TRIM69: variants seen among roughly 807,000 people sequenced by gnomAD.
TRIM69 encodes E3 ubiquitin-protein ligase TRIM69.
TRIM69 carries 29 observed loss-of-function variants against 37.7 expected under a neutral mutation model. That is an observed-to-expected ratio of 0.77 (90% CI 0.57 to 1.05). The LOEUF is 1.05. Ranked by LOEUF, TRIM69 falls within the 50% of genes least tolerant of loss-of-function variation. The pLI is 0.00. For synonymous variants in TRIM69, 209 were observed against 212.4 expected (o/e 0.98, Z 0.14); for missense variants, 596 against 579.9 (o/e 1.03, Z -0.28).
chr15:44,763,868 AAAGT>A (rs2087831793), intron 6 of TRIM69, among the ~76,000 whole-genome samples: 1 of 152,288 alleles, frequency 6.6e-6, no homozygotes, highest in East Asian at 1.9e-4. Context: ...CCCATTTTCT[AAAGT>A]AATATACCCT....
At chr15:44,762,281 T>A (rs1596036009) in intron 6 of TRIM69, among the ~76,000 whole-genome samples, 1 of 152,198 alleles carries the variant, frequency 6.6e-6, no homozygotes, top group East Asian at 1.9e-4. Flanking sequence ...TGGCTAATTT[T>A]AGGACTTGCT....
intron 3 of TRIM69, 74 bp from the exon 4 acceptor site, chr15:44,758,547 G>A (rs1596031826): frequency 1.3e-6 from 2 of 1,579,884 alleles, no homozygotes; most frequent in Admixed American, 1.7e-5. Flanking sequence ...GTGTGTGAGT[G>A]TTGGTGGTGT....
At chr15:44,761,362 T>C (rs2087771711) in intron 6 of TRIM69, among the ~76,000 whole-genome samples, 1 of 152,236 alleles carries the variant, frequency 6.6e-6, no homozygotes, top group Non-Finnish European at 1.5e-5. Flanking sequence ...AAATCCCAGT[T>C]TCTCTATATC....
chr15:44,743,319 C>T (rs1489409081), intron 1 of TRIM69, among the ~76,000 whole-genome samples: 1 of 152,106 alleles, frequency 6.6e-6, no homozygotes, highest in Non-Finnish European at 1.5e-5. Context: ...TAATTCAAGA[C>T]TGATTAAAGA....
In TRIM69 at chr15:44,767,655, G is replaced by A. The variant is rs149919213; in HGVS notation, c.1386G>A (p.Met462Ile). 1.5e-4 allele frequency: 235 copies of A among 1,614,140 alleles called. 1 individual carries two copies. The East Asian group carries it at 4.9e-3, about 34-fold the overall frequency. The stretch of plus-strand genomic sequence containing the variant: ...TGTCCTTCTACAATGCTAAAACCAT[G>A]ACTCACATTTACACCTTCAGTAACA... ...GQLSFYNAKT[M>I]THIYTFSNTF... Residue 462 changes from methionine (M) to isoleucine (I), a missense_variant, in exon 7 of 7, where the codon ATG becomes ATA. Physicochemically the swap from Met to Ile is conservative, Grantham distance 10. Coordinates refer to ENST00000329464, the MANE Select transcript of TRIM69 (RefSeq NM_182985.5).
chr15:44,767,256 T>C lies in TRIM69; in HGVS notation c.987T>C (p.Pro329=). 6.2e-7 allele frequency: 1 copy of C among 1,613,840 alleles called. No homozygotes were observed. The highest frequency in any genetic ancestry group is 2.2e-5 in the East Asian group (1 of 44,868). The change falls in exon 7 of 7, where the codon CCT becomes CCC. Residue 329 remains proline (P), a synonymous_variant. Transcript: ENST00000329464. ...GCCTGTCTCCACTAACTCTGGACCCTAAAACAGCTCACCCAAATCTGGTGC... is the reference window on the plus strand; with the variant it reads ...GCCTGTCTCCACTAACTCTGGACCCCAAAACAGCTCACCCAAATCTGGTGC... ...CPGLSPLTLD[P]KTAHPNLVLS...
At chr15:44,748,719 G>A (rs370804179) in intron 1 of TRIM69, among the ~76,000 whole-genome samples, 1 of 150,348 alleles carries the variant, frequency 6.7e-6, no homozygotes. Context: ...CCAGCTACTC[G>A]GGAGTCTGAG....
Position 44,736,667 on chromosome 15 carries a change from C to G in TRIM69, c.-38C>G. ...ATCCTGGGCCTGCTGAGCTCTGATT[C>G]AAGTGCCTGCCTCTGCCCCTTGGTG... On this transcript the variant is annotated 5_prime_UTR_variant, in exon 1 of 7. Transcript: ENST00000329464. The G allele has an allele frequency of 6.2e-7, 1 of 1,610,712 alleles. No individual in the cohort carries two copies. The highest frequency in any genetic ancestry group is 1.1e-5 in the South Asian group (1 of 90,744).
intron 1 of TRIM69, among the ~76,000 whole-genome samples, chr15:44,742,703 TC>T (rs1209150977): frequency 2.2e-5 from 2 of 90,410 alleles, no homozygotes; most frequent in African/African-American, 7.3e-5. Flanking sequence ...ATGAGTGAAC[TC>T]CCATTCACAA....
intron 3 of TRIM69, chr15:44,756,690 C>A: frequency 2.6e-6 from 1 of 391,720 alleles, no homozygotes; most frequent in Non-Finnish European, 4.6e-6. Flanking sequence ...ATATGCTGAT[C>A]TTTTCGATAG....
chr15:44,754,561 T>A (rs1402152566), intron 1 of TRIM69: 1 of 220,976 alleles, frequency 4.5e-6, no homozygotes, highest in South Asian at 1.4e-4. Context: ...AAAACAAAAA[T>A]AAAATAAAGG....
intron 3 of TRIM69, 63 bp downstream of exon 3, chr15:44,756,526 C>A: frequency 2.6e-6 from 3 of 1,147,636 alleles, no homozygotes; most frequent in Non-Finnish European, 2.5e-6. Flanking sequence ...GTAACTTCAG[C>A]TATGGGTACA....
rs768847299 is a variant in TRIM69 at position 44,758,732 on chromosome 15, G to A, written c.691G>A (p.Ala231Thr). The A allele has an allele frequency of 3.7e-6, 6 of 1,614,188 alleles. No homozygotes were observed. Among genetic ancestry groups the A allele is most frequent in the Non-Finnish European group, 4.2e-6 (5 of 1,180,022 alleles). The change falls in exon 4 of 7, where the codon GCC becomes ACC. Residue 231 changes from alanine (A) to threonine (T), a missense_variant. By Grantham distance (58) the Ala-to-Thr change is moderately conservative (BLOSUM62 0). Coordinates refer to ENST00000329464, the MANE Select transcript of TRIM69 (RefSeq NM_182985.5). ...ILTELREEGK[A>T]LNEEMELNLS... is the part of the protein sequence containing the mutation. The stretch of plus-strand genomic sequence containing the variant: ...AACTGAGCTCCGGGAAGAGGGGAAA[G>A]CCTTGAATGAGGAGATGGAGTTGAA...
rs1016343031 is a variant in TRIM69 at position 44,758,509 on chromosome 15, T to C, written c.580-112T>C. ...ATTTGATATTCAGTAGCCATTTGTA[T>C]GCATTTTTCTGTGATGGTATTTACC... On this transcript the variant is annotated intron_variant, in intron 3 of 6. Transcript: ENST00000329464. The C allele has an allele frequency of 2.1e-6, 3 of 1,432,960 alleles. No homozygotes were observed. In the Admixed American group the frequency reaches 6.9e-5, roughly 33 times the overall value. 88.8% of individuals were successfully genotyped at this position (1,432,960 alleles called of 1,614,324 possible).
Position 44,767,407 on chromosome 15 carries a change from T to G in TRIM69, c.1138T>G (p.Trp380Gly). 1 of 1,614,146 alleles carries G rather than the reference T, an allele frequency of 6.2e-7. No individual in the cohort carries two copies. Among genetic ancestry groups the G allele is most frequent in the Non-Finnish European group, 8.5e-7 (1 of 1,180,028 alleles). ...SRGFTSGKWYWEVEVAKKTKW... is the reference protein window; with the variant it reads ...SRGFTSGKWYGEVEVAKKTKW... ...AGGCTTCACCTCTGGAAAGTGGTAC[T>G]GGGAAGTAGAAGTAGCAAAGAAGAC... is the stretch of plus-strand genomic sequence containing the variant. Residue 380 changes from tryptophan to glycine, a missense_variant, in exon 7 of 7, where the codon TGG becomes GGG. Coordinates refer to ENST00000329464, the MANE Select transcript of TRIM69 (RefSeq NM_182985.5).
intron 1 of TRIM69, chr15:44,752,927 C>G (rs2087566024): frequency 6.6e-6 from 1 of 152,134 alleles, no homozygotes; most frequent in Admixed American, 6.5e-5. Flanking sequence ...TCTGTTTTCT[C>G]CTTTTTGTTG....
Position 44,755,174 on chromosome 15 carries a change from C to T in TRIM69, c.281C>T (p.Pro94Leu), listed in dbSNP as rs758996788. The stretch of plus-strand genomic sequence containing the variant: ...CAGTATAACAACTGTACATTCAACC[C>T]TGTACTGGACAAGTTGGTAGAGAAG... Reference protein sequence around the residue: ...LCQYNNCTFNPVLDKLVEKIK... With the variant: ...LCQYNNCTFNLVLDKLVEKIK... Residue 94 changes from proline (P) to leucine (L), a missense_variant, in exon 2 of 7, where the codon CCT becomes CTT. Coordinates refer to ENST00000329464, the MANE Select transcript of TRIM69 (RefSeq NM_182985.5). 1.2e-6 allele frequency: 2 copies of T among 1,614,212 alleles called. No homozygotes were observed. The highest frequency in any genetic ancestry group is 8.5e-7 in the Non-Finnish European group (1 of 1,180,040).
intron 1 of TRIM69, among the ~76,000 whole-genome samples, chr15:44,740,343 C>A (rs1000075100): frequency 6.6e-6 from 1 of 152,202 alleles, no homozygotes; most frequent in African/African-American, 2.4e-5. Flanking sequence ...TCCAAAGGAA[C>A]GCAGTTCCTC....
chr15:44,766,334 A>T (rs1168505042), intron 6 of TRIM69, among the ~76,000 whole-genome samples: 1 of 152,212 alleles, frequency 6.6e-6, no homozygotes, highest in African/African-American at 2.4e-5. Flanking sequence ...AGTAGCAATG[A>T]CATAAACCAC....
Sources: gnomAD v4.1 joint callset for allele counts (sites outside exome capture counted in the v4.1 genomes callset) on GRCh38, gnomAD v4.1.1 for gene constraint, MANE v1.5 for transcripts, NCBI Gene and HGNC (gene_info 2026-07-23, HGNC 2026-07-21) for gene names.